The following EXT2 variants were observed in gnomAD, a reference collection of about 807,000 sequenced individuals.
EXT2 encodes the protein exostosin glycosyltransferase 2, also known as exostosin-2.
A neutral mutation model predicts 81.6 loss-of-function variants in EXT2; 53 were observed. The ratio of observed to expected loss-of-function variants is 0.65; its 90% confidence interval spans 0.52 to 0.82. EXT2 has a LOEUF of 0.82. Ranked by LOEUF, EXT2 falls within the 40% of genes least tolerant of loss-of-function variation. The pLI is 0.00. For synonymous variants in EXT2, 320 were observed against 340.0 expected (o/e 0.94, Z 0.65); for missense variants, 774 against 910.2 (o/e 0.85, Z 1.93).
chr11:44,133,425 G>T (rs1170677253), intron 7 of EXT2, among the ~76,000 whole-genome samples: 1 of 152,164 alleles, frequency 6.6e-6, no homozygotes, highest in African/African-American at 2.4e-5. Context: ...ATACCTTGGA[G>T]CCCCTAGATG....
intron 10 of EXT2, among the ~76,000 whole-genome samples, chr11:44,223,117 A>T (rs1051405638): frequency 2.0e-5 from 3 of 152,262 alleles, no homozygotes; most frequent in Non-Finnish European, 1.5e-5. Context: ...TTAACCAAAA[A>T]AATACAAACA....
At chr11:44,152,540 G>A (rs988108827) in intron 7 of EXT2, among the ~76,000 whole-genome samples, 7 of 152,180 alleles carry the variant, frequency 4.6e-5, no homozygotes, top group Admixed American at 2.6e-4. Flanking sequence ...TAGTAGAGAC[G>A]GGTTTTCATC....
At chr11:44,232,582 C>G in intron 11 of EXT2, 86 bp downstream of exon 11, 1 of 1,536,942 alleles carries the variant, frequency 6.5e-7, no homozygotes, top group Non-Finnish European at 8.9e-7. Context: ...TCATACCTGC[C>G]AAGAGGGCTT....
At chr11:44,096,060 C>CCTGCTT in intron 1 of EXT2, 1 of 660,172 alleles carries the variant, frequency 1.5e-6, no homozygotes, top group Non-Finnish European at 2.8e-6. Flanking sequence ...GATTTCCACT[C>CCTGCTT]CTGCTTCTCC....
At chr11:44,180,923 G>A (rs905066107) in intron 8 of EXT2, among the ~76,000 whole-genome samples, 61 of 152,052 alleles carry the variant, frequency 4.0e-4, no homozygotes, top group Non-Finnish European at 6.9e-4. Context: ...CCAACATGGC[G>A]AAACCCCATC....
chr11:44,096,093 C>T (rs1159424086), intron 1 of EXT2: 1 of 725,714 alleles, frequency 1.4e-6, no homozygotes, highest in Non-Finnish European at 2.4e-6. Context: ...GGCGGCCGCG[C>T]TTTCAGCATC....
At chr11:44,158,559 A>T (rs1380374972) in intron 7 of EXT2, among the ~76,000 whole-genome samples, 1 of 150,056 alleles carries the variant, frequency 6.7e-6, no homozygotes, top group African/African-American at 2.4e-5. Context: ...TTTAATTTTA[A>T]TTAAATTAAT....
rs1178915994 is a variant in EXT2, at chr11:44,249,155, C to T, written c.*4868C>T. On this transcript the variant is annotated 3_prime_UTR_variant, in exon 14 of 14. Transcript: ENST00000533608. The stretch of plus-strand genomic sequence containing the variant: ...GAGACTAAAAGCGTGCACCACCACA[C>T]CTGGCTGATCTTTTAATTTTTTTGG... 6.6e-6 allele frequency among the ~76,000 whole-genome samples: 1 copy of T among 152,078 alleles called. No individual in the cohort carries two copies. The highest frequency in any genetic ancestry group is 1.5e-5 in the Non-Finnish European group (1 of 68,018).
At chr11:44,204,744 C>T (rs568953196) in intron 9 of EXT2, among the ~76,000 whole-genome samples, 31 of 152,266 alleles carry the variant, frequency 2.0e-4, no homozygotes, top group Non-Finnish European at 2.4e-4. Context: ...AATCTAATGC[C>T]GGATGATCTG....
rs117360207 is a variant in EXT2, at chr11:44,233,323, G to C, written c.1807-792G>C. Among the ~76,000 whole-genome samples the C allele has an allele frequency of 5.6e-3, 852 of 152,196 alleles. 5 individuals are homozygous for C. The highest frequency in any genetic ancestry group is 8.9e-3 in the Non-Finnish European group (605 of 68,000). On this transcript the variant is annotated intron_variant, in intron 11 of 13. Transcript: ENST00000533608. ...GAAATATGATTAATAGAAAAGAAAT[G>C]AGCAATTTTGATAAGTAAAAGTGAA...
chr11:44,147,555 C>T (rs182491294), intron 7 of EXT2, among the ~76,000 whole-genome samples: 8 of 150,142 alleles, frequency 5.3e-5, no homozygotes, highest in African/African-American at 2.0e-4. Context: ...AGGAAGATAC[C>T]TGGTTTTTTG....
chr11:44,155,688 C>G, intron 7 of EXT2, among the ~76,000 whole-genome samples: 1 of 152,118 alleles, frequency 6.6e-6, no homozygotes, highest in East Asian at 1.9e-4. Context: ...TTTTATGATA[C>G]TGCCTATGTC....
At chr11:44,106,250 TC>T (rs1954052490) in intron 1 of EXT2, among the ~76,000 whole-genome samples, 1 of 152,194 alleles carries the variant, frequency 6.6e-6, no homozygotes, top group Non-Finnish European at 1.5e-5. Flanking sequence ...CTGTTGGTGT[TC>T]GTCTTTGTAA....
chr11:44,193,492 A>G (rs1312047817), intron 8 of EXT2, among the ~76,000 whole-genome samples: 1 of 152,246 alleles, frequency 6.6e-6, no homozygotes, highest in Non-Finnish European at 1.5e-5. Flanking sequence ...AGAGAAACTG[A>G]GGTACAAGAG....
At chr11:44,175,623 A>G (rs1365502777) in intron 8 of EXT2, among the ~76,000 whole-genome samples, 1 of 152,096 alleles carries the variant, frequency 6.6e-6, no homozygotes, top group African/African-American at 2.4e-5. Flanking sequence ...TAACTCTTAG[A>G]GCATGTTATC....
rs190343564 is a variant in EXT2 at position 44,229,840 on chromosome 11, C to T, written c.1663-2513C>T. 1.3e-3 allele frequency among the ~76,000 whole-genome samples: 200 copies of T among 152,302 alleles called. 3 individuals are homozygous for T. The highest frequency in any genetic ancestry group is 6.5e-4 in the Non-Finnish European group (44 of 68,030). On this transcript the variant is annotated intron_variant, in intron 10 of 13. Coordinates refer to ENST00000533608, the MANE Select transcript of EXT2 (RefSeq NM_207122.2). The stretch of plus-strand genomic sequence containing the variant: ...CCCTTCATTCTTGGCTTTTTACTCA[C>T]TGAGATTCTGCCCATTCGTGTGTTA...
chr11:44,101,168 A>C (rs559204572), intron 1 of EXT2, among the ~76,000 whole-genome samples: 2 of 152,202 alleles, frequency 1.3e-5, no homozygotes, highest in African/African-American at 4.8e-5. Context: ...TTGGTGGACT[A>C]TAAAGCTGGA....
chr11:44,164,508 T>C (rs982896122), intron 7 of EXT2, among the ~76,000 whole-genome samples: 1 of 152,240 alleles, frequency 6.6e-6, no homozygotes, highest in African/African-American at 2.4e-5. Context: ...TCCCATTGCC[T>C]TTGCATTACT....
rs80198375 is a variant in EXT2 at position 44,195,630 on chromosome 11, C to G, written c.1306-2199C>G. 5.5e-3 allele frequency among the ~76,000 whole-genome samples: 838 copies of G among 152,254 alleles called. 13 individuals are homozygous for G. Among genetic ancestry groups the G allele is most frequent in the African/African-American group, 0.019 (794 of 41,540 alleles). On this transcript the variant is annotated intron_variant, in intron 8 of 13. Coordinates refer to ENST00000533608, the MANE Select transcript of EXT2 (RefSeq NM_207122.2). ...GTGCATTTCTCATCCCACACTGTTA[C>G]ATCTGGCAGACAGCTGTTGTCACAA...
Sources: gnomAD v4.1 joint callset for allele counts (sites outside exome capture counted in the v4.1 genomes callset) on GRCh38, gnomAD v4.1.1 for gene constraint, MANE v1.5 for transcripts, NCBI Gene and HGNC (gene_info 2026-07-23, HGNC 2026-07-21) for gene names.